PIGK: variants seen among roughly 807,000 people sequenced by gnomAD.
PIGK encodes GPI-anchor transamidase.
A neutral mutation model predicts 50.6 loss-of-function variants in PIGK; 42 were observed. The ratio of observed to expected loss-of-function variants is 0.83; its 90% CI spans 0.65 to 1.07. PIGK has a LOEUF of 1.07. PIGK is among the 50% of genes least tolerant of loss of function. PIGK has a pLI of 0.00. For missense variants in PIGK, 448 were observed against 488.7 expected (o/e 0.92, Z 0.78); for synonymous variants, 151 against 156.0 (o/e 0.97, Z 0.24).
At chr1:77,180,893 C>T (rs910931923) in intron 3 of PIGK, among the ~76,000 whole-genome samples, 3 of 152,082 alleles carry the variant, frequency 2.0e-5, no homozygotes, top group Non-Finnish European at 4.4e-5. Flanking sequence ...CTTGACTTTT[C>T]CCTTTAGCTT....
rs1211451114 is a variant in PIGK at position 77,161,406 on chromosome 1, C to T, written c.703-1G>A. On this transcript the variant is annotated splice_acceptor_variant, in intron 7 of 10. Transcript: ENST00000370812. LOFTEE classifies it high-confidence loss of function. ...CTCCAATTGCAGGATCAGGTTGATG[C>T]TATGGAAAGGGGGAAAAAAAGTATT... The T allele has an allele frequency of 6.6e-7, 1 of 1,514,968 alleles. No individual in the cohort carries two copies. Among genetic ancestry groups the T allele is most frequent in the African/African-American group, 1.4e-5 (1 of 72,924 alleles). 93.8% of individuals were successfully genotyped at this position (1,514,968 alleles called of 1,614,324 possible).
At chr1:77,126,781 C>T (rs6684070) in intron 9 of PIGK, among the ~76,000 whole-genome samples, 4,604 of 152,198 alleles carry the variant, frequency 0.03, 91 homozygotes, top group Non-Finnish European at 0.046. Flanking sequence ...CATGTGGCAG[C>T]CATCCTAAAG....
intron 9 of PIGK, among the ~76,000 whole-genome samples, chr1:77,133,546 T>C (rs1257777555): frequency 1.3e-5 from 2 of 152,190 alleles, no homozygotes; most frequent in African/African-American, 2.4e-5. Flanking sequence ...TAATTTTTAA[T>C]TGATGGATGT....
chr1:77,130,148 T>G (rs1295743761), intron 9 of PIGK, among the ~76,000 whole-genome samples: 1 of 150,734 alleles, frequency 6.6e-6, no homozygotes, highest in African/African-American at 2.4e-5. Context: ...ACAAATAACG[T>G]CACCACACTT....
At chr1:77,217,920 A>AT (rs1570270354) in intron 1 of PIGK, among the ~76,000 whole-genome samples, 1 of 152,232 alleles carries the variant, frequency 6.6e-6, no homozygotes, top group East Asian at 1.9e-4. Context: ...CAGTAATAGT[A>AT]TCCAAGATGA....
intron 9 of PIGK, among the ~76,000 whole-genome samples, chr1:77,142,329 A>G (rs1048664491): frequency 1.3e-5 from 2 of 152,194 alleles, no homozygotes; most frequent in Non-Finnish European, 2.9e-5. Context: ...GGAAGACATC[A>G]ATATGACTGT....
rs1653261999 is a variant in PIGK at position 77,090,049 on chromosome 1, C to T, written c.*2325G>A. On this transcript the variant is annotated 3_prime_UTR_variant, in exon 11 of 11. Transcript: ENST00000370812. ...GACCATTAACTTCCCCTTTGGTATC[C>T]TCCTAAGCCGACATAAGAACAATAA... The T allele has an allele frequency of 6.6e-6, 1 of 152,186 alleles. No individual in the cohort carries two copies. Among genetic ancestry groups the T allele is most frequent in the Admixed American group, 6.5e-5 (1 of 15,280 alleles). The allele number at this position is 152,186 out of a possible 1,614,324, so 9.4% of individuals were successfully genotyped here.
At chr1:77,189,875 TA>T (rs1198881716) in intron 3 of PIGK, among the ~76,000 whole-genome samples, 1 of 151,568 alleles carries the variant, frequency 6.6e-6, no homozygotes. Context: ...ATTGCAGTCA[TA>T]AAATAAGCAC....
intron 10 of PIGK, among the ~76,000 whole-genome samples, chr1:77,117,274 T>C (rs960030984): frequency 1.3e-5 from 2 of 152,240 alleles, no homozygotes; most frequent in Admixed American, 6.5e-5. Flanking sequence ...CTCAAGTAGC[T>C]TCTTGACAAA....
chr1:77,210,094 G>A (rs1656381882), intron 2 of PIGK, among the ~76,000 whole-genome samples: 1 of 151,972 alleles, frequency 6.6e-6, no homozygotes, highest in African/African-American at 2.4e-5. Context: ...AGTGTAAGTA[G>A]AAAGTATCTA....
At chr1:77,142,566 A>T (rs1654671311) in intron 9 of PIGK, among the ~76,000 whole-genome samples, 1 of 152,150 alleles carries the variant, frequency 6.6e-6, no homozygotes, top group South Asian at 2.1e-4. Context: ...AAGCATTTTA[A>T]TTGACTCACA....
chr1:77,207,518 A>T (rs1472527620), intron 2 of PIGK, among the ~76,000 whole-genome samples: 1 of 152,236 alleles, frequency 6.6e-6, no homozygotes, highest in African/African-American at 2.4e-5. Flanking sequence ...GTAAATGTAC[A>T]TAAGAGAGTG....
intron 9 of PIGK, among the ~76,000 whole-genome samples, chr1:77,152,841 C>T (rs1239070645): frequency 6.6e-6 from 1 of 151,582 alleles, no homozygotes; most frequent in Non-Finnish European, 1.5e-5. Context: ...TCTCAGTTAG[C>T]TTATAAAAAA....
At chr1:77,128,186 CA>C (rs1231094908) in intron 9 of PIGK, among the ~76,000 whole-genome samples, 1 of 152,040 alleles carries the variant, frequency 6.6e-6, no homozygotes, top group Non-Finnish European at 1.5e-5. Flanking sequence ...TTCTAATTAT[CA>C]AACTAAAAAC....
At chr1:77,196,454 T>C (rs543964624) in intron 3 of PIGK, among the ~76,000 whole-genome samples, 14 of 152,330 alleles carry the variant, frequency 9.2e-5, no homozygotes, top group African/African-American at 3.4e-4. Context: ...TGTAAATGTG[T>C]CCCCTTTTCT....
intron 9 of PIGK, among the ~76,000 whole-genome samples, chr1:77,144,513 A>T (rs1654723403): frequency 2.0e-5 from 3 of 151,952 alleles, no homozygotes; most frequent in Admixed American, 1.3e-4. Flanking sequence ...AATAAACATT[A>T]GTTGGAAACT....
intron 10 of PIGK, among the ~76,000 whole-genome samples, chr1:77,120,279 A>G (rs978598041): frequency 1.3e-5 from 2 of 152,176 alleles, no homozygotes; most frequent in Non-Finnish European, 2.9e-5. Flanking sequence ...CAGTGCCACA[A>G]TCTCAGCTCA....
chr1:77,121,236 C>T (rs1453984506), intron 10 of PIGK, among the ~76,000 whole-genome samples: 1 of 152,090 alleles, frequency 6.6e-6, no homozygotes, highest in African/African-American at 2.4e-5. Flanking sequence ...ATGTGACATT[C>T]GCAGACTGTT....
At chr1:77,164,236 A>G (rs1655189754) in intron 5 of PIGK, among the ~76,000 whole-genome samples, 1 of 152,202 alleles carries the variant, frequency 6.6e-6, no homozygotes, top group South Asian at 2.1e-4. Flanking sequence ...ATGAGTTTCC[A>G]TTCACAAAAT....
Sources: gnomAD v4.1 joint callset for allele counts (sites outside exome capture counted in the v4.1 genomes callset) on GRCh38, gnomAD v4.1.1 for gene constraint, MANE v1.5 for transcripts, NCBI Gene and HGNC (gene_info 2026-07-23, HGNC 2026-07-21) for gene names.